Variants in PDE1C observed in about 807,000 individuals in gnomAD.
The protein encoded by PDE1C is dual specificity calcium/calmodulin-dependent 3',5'-cyclic nucleotide phosphodiesterase 1C.
PDE1C carries 62 observed loss-of-function variants against 93.1 expected under a neutral mutation model. That is an observed-to-expected ratio of 0.67 (90% CI 0.54 to 0.82). PDE1C has a LOEUF of 0.82. PDE1C is among the 40% of genes least tolerant of loss of function. PDE1C has a pLI of 0.00. For synonymous variants in PDE1C, 325 were observed against 310.1 expected, an observed-to-expected ratio of 1.05 and a Z score of -0.50; for missense variants, 742 against 884.6, an observed-to-expected ratio of 0.84 and a Z score of 2.04.
chr7:31,684,010 C>T, the PDE1C span, among the ~76,000 whole-genome samples: 7 of 152,148 alleles, frequency 4.6e-5, no homozygotes, highest in African/African-American at 7.2e-5. Context: ...ATGCTGGGAG[C>T]GCTGTAGGCT....
intron 3 of PDE1C, among the ~76,000 whole-genome samples, chr7:32,088,288 T>G (rs1797246470): frequency 6.6e-6 from 1 of 152,242 alleles, no homozygotes; most frequent in Admixed American, 6.5e-5. Flanking sequence ...GGACTTTTTT[T>G]TAATACCAGT....
At chr7:31,866,341 G>T (rs1425388029) in intron 6 of PDE1C, among the ~76,000 whole-genome samples, 1 of 152,156 alleles carries the variant, frequency 6.6e-6, no homozygotes, top group Non-Finnish European at 1.5e-5. Flanking sequence ...GGTCAGAGAT[G>T]AATTCATTAC....
chr7:32,077,156 C>T (rs1796404124), intron 3 of PDE1C, among the ~76,000 whole-genome samples: 1 of 152,184 alleles, frequency 6.6e-6, no homozygotes, highest in Non-Finnish European at 1.5e-5. Context: ...AGGAGAATCA[C>T]TTGAACCTGG....
At chr7:31,719,289 G>C in the PDE1C span, among the ~76,000 whole-genome samples, 5 of 152,190 alleles carry the variant, frequency 3.3e-5, no homozygotes, top group Non-Finnish European at 7.3e-5. Context: ...CTTAAGTCCT[G>C]AGACTTCAGC....
At chr7:32,338,981 C>T (rs916227602) in intron 1 of PDE1C, among the ~76,000 whole-genome samples, 3 of 146,698 alleles carry the variant, frequency 2.0e-5, no homozygotes, top group African/African-American at 7.6e-5. Context: ...CCAGCCTGGG[C>T]GACAGAGCTA....
intron 4 of PDE1C, 130 bp from the exon 5 acceptor site, chr7:31,878,166 T>C: frequency 1.7e-6 from 1 of 584,250 alleles, no homozygotes; most frequent in Non-Finnish European, 2.9e-6. Context: ...TAAAATTCAT[T>C]TTTTGACATT....
At chr7:32,259,489 G>T (rs774513209) in intron 1 of PDE1C, among the ~76,000 whole-genome samples, 1 of 152,144 alleles carries the variant, frequency 6.6e-6, no homozygotes, top group Non-Finnish European at 1.5e-5. Flanking sequence ...CCCACCAGCT[G>T]GGGGAGCTGG....
chr7:32,395,636 G>T (rs1375324041), intron 1 of PDE1C, among the ~76,000 whole-genome samples: 1 of 152,008 alleles, frequency 6.6e-6, no homozygotes, highest in Non-Finnish European at 1.5e-5. Flanking sequence ...TAAAACCTGG[G>T]GTAAGGCTAT....
At chr7:31,651,767 GTTTTT>G in the PDE1C span, among the ~76,000 whole-genome samples, 1 of 147,762 alleles carries the variant, frequency 6.8e-6, no homozygotes, top group Non-Finnish European at 1.5e-5. Flanking sequence ...CAATAAAGTT[GTTTTT>G]TTTTTTTAAA....
At chr7:31,931,664 C>T (rs1804296181) in intron 2 of PDE1C, among the ~76,000 whole-genome samples, 1 of 152,128 alleles carries the variant, frequency 6.6e-6, no homozygotes, top group African/African-American at 2.4e-5. Flanking sequence ...CCATACTGCC[C>T]AAAGTAATTT....
At chr7:31,678,928 C>T in the PDE1C span, among the ~76,000 whole-genome samples, 2 of 152,072 alleles carry the variant, frequency 1.3e-5, no homozygotes, top group Non-Finnish European at 2.9e-5. Flanking sequence ...CAAAATTGAC[C>T]TCAAAAGCAA....
intron 3 of PDE1C, among the ~76,000 whole-genome samples, chr7:32,100,657 C>T (rs894147699): frequency 6.6e-6 from 1 of 152,082 alleles, no homozygotes; most frequent in Non-Finnish European, 1.5e-5. Context: ...TAAATCAGCC[C>T]AAAACATCAA....
Position 32,330,530 on chromosome 7 carries a change from G to T in PDE1C, c.310+97292C>A, listed in dbSNP as rs181282510. On this transcript the variant is annotated intron_variant, in intron 1 of 1. Transcript: ENST00000672256. ...GGACGAGCTAAACCCTGAGGACATGGCCTCAATATAGCCAGAATTTCAAAC... is the reference window on the plus strand; with the variant it reads ...GGACGAGCTAAACCCTGAGGACATGTCCTCAATATAGCCAGAATTTCAAAC... Among the ~76,000 whole-genome samples the T allele has an allele frequency of 3.9e-5, 6 of 152,326 alleles. No homozygotes were observed. The East Asian group carries it at 9.6e-4, about 24-fold the overall frequency.
chr7:31,907,901 G>A (rs1800791240), intron 2 of PDE1C, among the ~76,000 whole-genome samples: 1 of 151,768 alleles, frequency 6.6e-6, no homozygotes. Context: ...GTATTTACAT[G>A]CCACCAAATA....
intron 3 of PDE1C, among the ~76,000 whole-genome samples, chr7:32,166,164 T>G (rs1228654751): frequency 6.6e-6 from 1 of 152,212 alleles, no homozygotes; most frequent in Admixed American, 6.5e-5. Context: ...TTGTAAAATT[T>G]TATTTGTCAA....
intron 2 of PDE1C, among the ~76,000 whole-genome samples, chr7:31,912,613 G>A (rs552170015): frequency 7.6e-4 from 115 of 152,230 alleles, no homozygotes; most frequent in African/African-American, 2.6e-3. Context: ...CCTGAGCCAG[G>A]GAGGTTGACG....
intron 2 of PDE1C, among the ~76,000 whole-genome samples, chr7:32,179,503 C>A (rs1000695835): frequency 6.6e-6 from 1 of 152,124 alleles, no homozygotes; most frequent in Non-Finnish European, 1.5e-5. Flanking sequence ...TCGTGATCCG[C>A]CTGCCTCGGC....
intron 1 of PDE1C, among the ~76,000 whole-genome samples, chr7:32,339,069 T>C (rs1214854929): frequency 6.6e-6 from 1 of 151,542 alleles, no homozygotes; most frequent in Non-Finnish European, 1.5e-5. Context: ...GTAAGCTAAG[T>C]ATTCATCAAC....
intron 2 of PDE1C, among the ~76,000 whole-genome samples, chr7:31,921,869 C>T (rs1397300850): frequency 2.0e-5 from 3 of 152,088 alleles, no homozygotes; most frequent in Non-Finnish European, 4.4e-5. Flanking sequence ...ATTTGCAGAA[C>T]ATTGATGTTG....
Sources: gnomAD v4.1 joint callset for allele counts (sites outside exome capture counted in the v4.1 genomes callset) on GRCh38, gnomAD v4.1.1 for gene constraint, MANE v1.5 for transcripts, NCBI Gene and HGNC (gene_info 2026-07-23, HGNC 2026-07-21) for gene names.